PPFIA2: variants seen among roughly 807,000 people sequenced by gnomAD.
The protein encoded by PPFIA2 is PPFI scaffold protein A2.
Under a neutral mutation model 175.5 loss-of-function variants are expected in PPFIA2, and 46 were observed. The ratio of observed to expected loss-of-function variants is 0.26; its 90% CI spans 0.21 to 0.34. The LOEUF (loss-of-function observed/expected upper bound fraction) is 0.34. Ranked by LOEUF, PPFIA2 falls within the 10% of genes least tolerant of loss-of-function variation. The pLI is 1.00. For synonymous variants in PPFIA2, 568 were observed against 511.4 expected, an observed-to-expected ratio of 1.11 and a Z score of -1.49; for missense variants, 1,179 against 1,506.1, an observed-to-expected ratio of 0.78 and a Z score of 3.60.
At chr12:81,425,299 A>C (rs1489157134) in intron 7 of PPFIA2, among the ~76,000 whole-genome samples, 5 of 152,118 alleles carry the variant, frequency 3.3e-5, no homozygotes. Flanking sequence ...ATGCCTCAAA[A>C]ACACCAGTTG....
At chr12:81,351,574 A>G (rs1326648423) in intron 17 of PPFIA2, among the ~76,000 whole-genome samples, 2 of 151,984 alleles carry the variant, frequency 1.3e-5, no homozygotes, top group Non-Finnish European at 2.9e-5. Context: ...GGCACCAGTG[A>G]ACACAATTAA....
At chr12:81,269,996 A>G (rs2038590480) in intron 28 of PPFIA2, among the ~76,000 whole-genome samples, 2 of 152,196 alleles carry the variant, frequency 1.3e-5, no homozygotes, top group South Asian at 4.1e-4. Flanking sequence ...TGAGTGGACC[A>G]AAATGTCAGA....
intron 4 of PPFIA2, among the ~76,000 whole-genome samples, chr12:81,665,519 C>T (rs1311257902): frequency 6.6e-6 from 1 of 151,974 alleles, no homozygotes; most frequent in Non-Finnish European, 1.5e-5. Flanking sequence ...ACTACATTTG[C>T]ATGTGCCCTC....
chr12:81,535,089 T>C (rs189939099), intron 4 of PPFIA2, among the ~76,000 whole-genome samples: 4 of 151,864 alleles, frequency 2.6e-5, no homozygotes, highest in South Asian at 2.1e-4. Context: ...AAGATCTTCT[T>C]GGATTATAAT....
At chr12:81,464,367 C>T (rs1012169728) in intron 4 of PPFIA2, among the ~76,000 whole-genome samples, 9 of 152,102 alleles carry the variant, frequency 5.9e-5, no homozygotes, top group Non-Finnish European at 1.3e-4. Context: ...TTGTTTCCAT[C>T]AAAACCCATT....
intron 14 of PPFIA2, among the ~76,000 whole-genome samples, chr12:81,364,239 T>C (rs1440715297): frequency 6.6e-6 from 1 of 151,800 alleles, no homozygotes; most frequent in Non-Finnish European, 1.5e-5. Flanking sequence ...GAGGTTAAAT[T>C]GACAAATAGA....
At chr12:81,648,089 T>C (rs1172866802) in intron 4 of PPFIA2, among the ~76,000 whole-genome samples, 1 of 150,692 alleles carries the variant, frequency 6.6e-6, no homozygotes, top group African/African-American at 2.4e-5. Flanking sequence ...TCATGACCCA[T>C]TATGTTTTAG....
chr12:81,305,689 T>C (rs2048968333), intron 22 of PPFIA2, among the ~76,000 whole-genome samples: 1 of 152,196 alleles, frequency 6.6e-6, no homozygotes, highest in Non-Finnish European at 1.5e-5. Context: ...GTTCACCGTA[T>C]GTACACAGCC....
intron 4 of PPFIA2, among the ~76,000 whole-genome samples, chr12:81,524,395 C>A (rs906927266): frequency 6.6e-6 from 1 of 152,208 alleles, no homozygotes; most frequent in African/African-American, 2.4e-5. Context: ...CCCCAGTGGG[C>A]CTCAAGGGCA....
chr12:81,513,346 T>C (rs541037475), intron 4 of PPFIA2, among the ~76,000 whole-genome samples: 1 of 152,070 alleles, frequency 6.6e-6, no homozygotes, highest in Admixed American at 6.6e-5. Flanking sequence ...GTATGGAAAT[T>C]CCACAGAAAA....
At chr12:81,416,820 G>A (rs899867548) in intron 7 of PPFIA2, among the ~76,000 whole-genome samples, 1 of 151,592 alleles carries the variant, frequency 6.6e-6, no homozygotes, top group African/African-American at 2.4e-5. Flanking sequence ...AAAAGGAAAA[G>A]CAAAATTAAA....
At chr12:81,336,350 G>T (rs1177818551) in intron 21 of PPFIA2, among the ~76,000 whole-genome samples, 1 of 152,126 alleles carries the variant, frequency 6.6e-6, no homozygotes, top group Non-Finnish European at 1.5e-5. Context: ...GTCTATGCTA[G>T]TAATACATTA....
intron 3 of PPFIA2, among the ~76,000 whole-genome samples, chr12:81,749,685 T>C (rs1220934413): frequency 6.9e-6 from 1 of 144,386 alleles, no homozygotes; most frequent in Admixed American, 7.3e-5. Context: ...CAAATGCAAG[T>C]AATTCCATAT....
chr12:81,338,011 A>G (rs1449103534), intron 21 of PPFIA2, among the ~76,000 whole-genome samples: 2 of 152,112 alleles, frequency 1.3e-5, no homozygotes, highest in Non-Finnish European at 2.9e-5. Context: ...ATAATCACAC[A>G]CTGGCCACAC....
intron 4 of PPFIA2, among the ~76,000 whole-genome samples, chr12:81,510,174 A>G (rs2061619446): frequency 6.6e-6 from 1 of 152,084 alleles, no homozygotes; most frequent in Admixed American, 6.6e-5. Flanking sequence ...AGCAGCTATT[A>G]TATATATTTC....
chr12:81,267,857 A>G (rs530781844), intron 29 of PPFIA2, 55 bp downstream of exon 29: 171 of 1,468,892 alleles, frequency 1.2e-4, no homozygotes, highest in South Asian at 6.6e-5. Context: ...CTAAAAGTTT[A>G]GTTTATCATT....
intron 3 of PPFIA2, among the ~76,000 whole-genome samples, chr12:81,726,785 T>A (rs538974716): frequency 6.6e-6 from 1 of 151,436 alleles, no homozygotes; most frequent in East Asian, 2.0e-4. Context: ...CTGGGGTAAG[T>A]GAGCTTTCCA....
intron 9 of PPFIA2, among the ~76,000 whole-genome samples, chr12:81,377,373 A>C (rs1033528645): frequency 3.9e-5 from 6 of 152,138 alleles, no homozygotes; most frequent in African/African-American, 1.4e-4. Flanking sequence ...AACATGGTGA[A>C]ATCCCGTCTC....
chr12:81,651,605 C>G (rs1331166330), intron 4 of PPFIA2, among the ~76,000 whole-genome samples: 2 of 152,052 alleles, frequency 1.3e-5, no homozygotes, highest in African/African-American at 4.8e-5. Context: ...GGTGTTATGA[C>G]TGAATGCTAC....
Sources: gnomAD v4.1 joint callset for allele counts (sites outside exome capture counted in the v4.1 genomes callset) on GRCh38, gnomAD v4.1.1 for gene constraint, MANE v1.5 for transcripts, NCBI Gene and HGNC (gene_info 2026-07-23, HGNC 2026-07-21) for gene names.